Variants in LRRK1 observed in about 807,000 individuals in gnomAD.
LRRK1 encodes leucine rich repeat kinase 1, also known as leucine-rich repeat serine/threonine-protein kinase 1.
In LRRK1, 113 loss-of-function variants were observed where a neutral mutation model predicts 209.1. That is an observed-to-expected ratio of 0.54 (90% CI 0.46 to 0.63). The LOEUF (loss-of-function observed/expected upper bound fraction) is 0.63, where lower values mean the gene tolerates loss of function less well. LRRK1 is among the 30% of genes least tolerant of loss of function. The pLI, the probability that LRRK1 is intolerant of heterozygous loss-of-function variation, is 0.00. For synonymous variants in LRRK1, 1,144 were observed against 1,099.7 expected (o/e 1.04, Z -0.80); for missense variants, 2,284 against 2,632.2 (o/e 0.87, Z 2.89).
At chr15:101,036,844 A>G (rs1020946784) in intron 20 of LRRK1, among the ~76,000 whole-genome samples, 4 of 152,226 alleles carry the variant, frequency 2.6e-5, no homozygotes, top group Admixed American at 2.0e-4. Context: ...TAGATGCAGT[A>G]GTGTAATCTG....
intron 4 of LRRK1, among the ~76,000 whole-genome samples, chr15:100,986,279 G>A (rs1200214556): frequency 6.6e-6 from 1 of 152,178 alleles, no homozygotes; most frequent in African/African-American, 2.4e-5. Flanking sequence ...AGGTTGATGG[G>A]ATGCATTCTT....
At chr15:100,955,836 C>A (rs186984903) in intron 2 of LRRK1, among the ~76,000 whole-genome samples, 48 of 152,208 alleles carry the variant, frequency 3.2e-4, no homozygotes, top group African/African-American at 1.1e-3. Flanking sequence ...CAGGCTTAAA[C>A]TGAACTTCAT....
At chr15:101,014,500 A>T in intron 11 of LRRK1, 72 bp downstream of exon 11, 1 of 1,017,844 alleles carries the variant, frequency 9.8e-7, no homozygotes, top group South Asian at 1.3e-5. Context: ...GGTCCTCTGA[A>T]TGGTGGCATG....
rs1015618842 is a variant in LRRK1 at position 101,070,249 on chromosome 15, C to T, written c.*1401C>T. The stretch of plus-strand genomic sequence containing the variant: ...CATGCAGGTGGCCCCTGAGCAGCTT[C>T]CATGGGTGGAGACGCTGCTCTGTCA... On this transcript the variant is annotated 3_prime_UTR_variant, in exon 34 of 34. Coordinates refer to ENST00000388948, the MANE Select transcript of LRRK1 (RefSeq NM_024652.6). 3.3e-5 allele frequency: 5 copies of T among 151,456 alleles called. No individual in the cohort carries two copies. Among genetic ancestry groups the T allele is most frequent in the Non-Finnish European group, 1.5e-5 (1 of 67,934 alleles). The allele number at this position is 151,456 out of a possible 1,614,324, so 9.4% of individuals were successfully genotyped here.
chr15:101,022,654 C>G lies in LRRK1; in HGVS notation c.2067+57C>G, dbSNP rs2033852363. On this transcript the variant is annotated intron_variant, in intron 15 of 33. Transcript: ENST00000388948. This position sits in a 1 kb window ranked among gnomAD's most constrained non-coding sequence, Gnocchi z 4.0. ...GGGTGGGAGGAACATCCCTTGGACTCCTTCTCCCTTCTCCCCAGAGAGCCC... is the reference window on the plus strand; with the variant it reads ...GGGTGGGAGGAACATCCCTTGGACTGCTTCTCCCTTCTCCCCAGAGAGCCC... 1.7e-6 allele frequency: 2 copies of G among 1,197,774 alleles called. No homozygotes were observed. Among genetic ancestry groups the G allele is most frequent in the East Asian group, 2.5e-5 (1 of 39,350 alleles). 74.2% of individuals were successfully genotyped at this position (1,197,774 alleles called of 1,614,324 possible).
At chr15:100,981,502 TCAGA>T (rs1251068760) in intron 3 of LRRK1, among the ~76,000 whole-genome samples, 1 of 152,150 alleles carries the variant, frequency 6.6e-6, no homozygotes, top group African/African-American at 2.4e-5. Flanking sequence ...TCCTCACGTG[TCAGA>T]CATACCTCCC....
intron 2 of LRRK1, among the ~76,000 whole-genome samples, chr15:100,933,223 C>A (rs2042241251): frequency 1.3e-5 from 2 of 152,150 alleles, no homozygotes; most frequent in African/African-American, 4.8e-5. Context: ...TCTCACTGCC[C>A]TGTGGTGACC....
At chr15:100,939,779 C>T (rs1395678068) in intron 2 of LRRK1, among the ~76,000 whole-genome samples, 5 of 152,102 alleles carry the variant, frequency 3.3e-5, no homozygotes, top group East Asian at 1.9e-4. Flanking sequence ...ACAGCAAAGT[C>T]GGGGTAAATA....
chr15:101,056,969 G>A lies in LRRK1; in HGVS notation c.4446G>A (p.Pro1482=), dbSNP rs370936858. 42 of 1,614,176 alleles carry A rather than the reference G, an allele frequency of 2.6e-5. No individual in the cohort carries two copies. In the African/African-American group the frequency reaches 2.8e-4, roughly 11 times the overall value. ...IAKKLSKGIR[P]VLGQPEEVQF... is the part of the protein sequence containing the mutation. Reference sequence around the variant, plus strand: ...AGAAGCTGTCCAAGGGCATCCGCCCGGTTCTGGGGCAGCCGGAGGAAGTGC... The same window carrying A: ...AGAAGCTGTCCAAGGGCATCCGCCCAGTTCTGGGGCAGCCGGAGGAAGTGC... Residue 1482 remains proline (P), a synonymous_variant, in exon 28 of 34, where the codon CCG becomes CCA. Transcript: ENST00000388948.
At chr15:101,053,153 C>A in intron 25 of LRRK1, 65 bp downstream of exon 25, 11 of 1,587,382 alleles carry the variant, frequency 6.9e-6, no homozygotes, top group Non-Finnish European at 9.4e-6. Flanking sequence ...AAGCTCTGTG[C>A]GGCCTTAGAG....
chr15:100,942,208 A>C (rs559375877), intron 2 of LRRK1, among the ~76,000 whole-genome samples: 1 of 152,296 alleles, frequency 6.6e-6, no homozygotes, highest in South Asian at 2.1e-4. Context: ...CCGGCTCTAC[A>C]GTCGGAAGGA....
At chr15:101,047,189 C>T (rs968227476) in intron 21 of LRRK1, among the ~76,000 whole-genome samples, 2 of 152,228 alleles carry the variant, frequency 1.3e-5, no homozygotes, top group African/African-American at 2.4e-5. Flanking sequence ...TGAATTATAA[C>T]TTCTTAGCTC....
intron 33 of LRRK1, among the ~76,000 whole-genome samples, chr15:101,068,042 C>T (rs1422552735): frequency 6.6e-6 from 1 of 152,138 alleles, no homozygotes; most frequent in Admixed American, 6.5e-5. Context: ...ACACGGGACA[C>T]AGAGGGAGGA....
intron 33 of LRRK1, 111 bp from the exon 34 acceptor site, chr15:101,068,560 C>A (rs1393226587): frequency 2.6e-6 from 3 of 1,145,030 alleles, no homozygotes; most frequent in African/African-American, 1.6e-5. Flanking sequence ...AGCAGACACA[C>A]TCCCCTGCCC....
chr15:100,993,766 C>G (rs1262584728), intron 6 of LRRK1, among the ~76,000 whole-genome samples: 1 of 152,174 alleles, frequency 6.6e-6, no homozygotes, highest in African/African-American at 2.4e-5. Flanking sequence ...TGTGTACAAC[C>G]TGTCCTATTA....
chr15:101,033,741 T>C (rs2034381933), intron 20 of LRRK1, among the ~76,000 whole-genome samples: 1 of 152,176 alleles, frequency 6.6e-6, no homozygotes, highest in Admixed American at 6.5e-5. Context: ...AATCCAGGTA[T>C]CCCTTTAATA....
intron 30 of LRRK1, among the ~76,000 whole-genome samples, chr15:101,062,142 G>A (rs1395877614): frequency 6.6e-6 from 1 of 152,130 alleles, no homozygotes; most frequent in Non-Finnish European, 1.5e-5. Flanking sequence ...GCGTGCTGTT[G>A]CATGGGAAGA....
intron 2 of LRRK1, among the ~76,000 whole-genome samples, chr15:100,942,798 G>A (rs537177008): frequency 2.5e-4 from 38 of 152,196 alleles, no homozygotes; most frequent in African/African-American, 8.7e-4. Flanking sequence ...ATGGGTGCCC[G>A]GAGTCCCCCT....
At chr15:101,025,619 G>T (rs1020642279) in intron 16 of LRRK1, among the ~76,000 whole-genome samples, 7 of 152,190 alleles carry the variant, frequency 4.6e-5, no homozygotes, top group Non-Finnish European at 1.0e-4. Flanking sequence ...GTGAGAGAGG[G>T]AGCAGGAGAG....
Sources: allele counts gnomAD v4.1 joint callset (sites outside exome capture counted in the v4.1 genomes callset), GRCh38; gene constraint gnomAD v4.1.1; non-coding constraint Gnocchi (gnomAD v3.1); transcripts MANE v1.5; gene names NCBI Gene and HGNC (gene_info 2026-07-23, HGNC 2026-07-21).